Variants in PLSCR2 observed in about 807,000 individuals in gnomAD.
PLSCR2 encodes phospholipid scramblase 2, also known as PL scramblase 2.
In PLSCR2, 18 loss-of-function variants were observed where a neutral mutation model predicts 25.3. The observed-to-expected ratio is 0.71, with a 90% CI of 0.49 to 1.06. The LOEUF (loss-of-function observed/expected upper bound fraction) is 1.06. PLSCR2 is among the 50% of genes least tolerant of loss of function. The pLI, the probability that PLSCR2 is intolerant of heterozygous loss-of-function variation, is 0.00. For synonymous variants in PLSCR2, 88 were observed against 87.3 expected (o/e 1.01, Z -0.04); for missense variants, 243 against 269.5 (o/e 0.90, Z 0.69).
intron 1 of PLSCR2, chr3:146,469,510 C>A (rs562306972): frequency 1.0e-6 from 1 of 985,322 alleles, no homozygotes; most frequent in East Asian, 1.1e-4. Context: ...GCTGCAGCTG[C>A]TCCCGCACAG....
chr3:146,445,766 G>T (rs372072601), intron 6 of PLSCR2, among the ~76,000 whole-genome samples: 1 of 152,060 alleles, frequency 6.6e-6, no homozygotes. Context: ...CTCCTCTTTA[G>T]GACAAATAAC....
intron 2 of PLSCR2, among the ~76,000 whole-genome samples, chr3:146,396,615 G>T (rs938676719): frequency 2.6e-5 from 4 of 152,072 alleles, no homozygotes; most frequent in Non-Finnish European, 5.9e-5. Flanking sequence ...TTAGTGACAA[G>T]AGAAATAGGA....
At chr3:146,391,636 G>T (rs1168312441) in intron 3 of PLSCR2, 1 of 152,444 alleles carries the variant, frequency 6.6e-6, no homozygotes, top group Admixed American at 6.6e-5. Context: ...TTAGACATGA[G>T]AATGATTTTT....
chr3:146,426,268 TCCTTC>T (rs2039347719), intron 2 of PLSCR2, among the ~76,000 whole-genome samples: 1 of 139,400 alleles, frequency 7.2e-6, no homozygotes, highest in Non-Finnish European at 1.5e-5. Context: ...CTTCCTTCCT[TCCTTC>T]TTTTCTTCCT....
chr3:146,407,137 G>A (rs962322353), intron 2 of PLSCR2, among the ~76,000 whole-genome samples: 2 of 152,138 alleles, frequency 1.3e-5, no homozygotes, highest in Admixed American at 1.3e-4. Flanking sequence ...TTTTGTAAGT[G>A]TTTTTTAGGG....
In PLSCR2 at chr3:146,474,470, C is replaced by T. The variant is rs147419567; in HGVS notation, c.-292-14186G>A. On this transcript the variant is annotated intron_variant, in intron 1 of 8. Transcript: ENST00000336685. ...AATGTTGAATATTGGCTCCCACTCT[C>T]TTCTGGCTTGTAGAGTTTCTGCTGA... is the stretch of plus-strand genomic sequence containing the variant. Among the ~76,000 whole-genome samples, 909 of 152,246 alleles carry T rather than the reference C, an allele frequency of 6.0e-3. 9 individuals are homozygous for T. Among genetic ancestry groups the T allele is most frequent in the African/African-American group, 0.021 (862 of 41,544 alleles).
intron 8 of PLSCR2, among the ~76,000 whole-genome samples, chr3:146,434,552 A>G (rs1409717017): frequency 1.3e-5 from 2 of 152,010 alleles, no homozygotes; most frequent in Non-Finnish European, 1.5e-5. Flanking sequence ...TTTTATATAT[A>G]TATGATATAA....
At chr3:146,425,771 A>C (rs1208888838) in intron 2 of PLSCR2, among the ~76,000 whole-genome samples, 6 of 152,190 alleles carry the variant, frequency 3.9e-5, no homozygotes, top group Admixed American at 1.3e-4. Flanking sequence ...TGATGATAGA[A>C]ATATGGAGTT....
intron 2 of PLSCR2, among the ~76,000 whole-genome samples, chr3:146,421,549 T>C (rs1460783068): frequency 6.6e-6 from 1 of 152,082 alleles, no homozygotes; most frequent in Non-Finnish European, 1.5e-5. Context: ...ACATGTGGAA[T>C]GGCTATCTGA....
At chr3:146,482,816 G>A (rs1383243718) in intron 1 of PLSCR2, among the ~76,000 whole-genome samples, 1 of 152,070 alleles carries the variant, frequency 6.6e-6, no homozygotes, top group Non-Finnish European at 1.5e-5. Flanking sequence ...CAAAGACTTG[G>A]AACCAACCCA....
intron 5 of PLSCR2, among the ~76,000 whole-genome samples, chr3:146,451,184 C>T (rs981162179): frequency 1.5e-4 from 23 of 148,740 alleles, no homozygotes; most frequent in African/African-American, 5.5e-4. Flanking sequence ...GCGCGATCTC[C>T]GCTCACTGCA....
chr3:146,418,973 T>A (rs149812142), intron 2 of PLSCR2, among the ~76,000 whole-genome samples: 16 of 152,256 alleles, frequency 1.1e-4, no homozygotes, highest in African/African-American at 3.4e-4. Flanking sequence ...GCCATTCCCT[T>A]TGCCTTCTCT....
At chr3:146,468,583 C>A (rs2041968272) in intron 1 of PLSCR2, among the ~76,000 whole-genome samples, 1 of 152,064 alleles carries the variant, frequency 6.6e-6, no homozygotes, top group Non-Finnish European at 1.5e-5. Context: ...TAGTGCCAGG[C>A]ACTGCTCTAA....
At chr3:146,481,612 C>T (rs1324551501) in intron 1 of PLSCR2, among the ~76,000 whole-genome samples, 1 of 152,188 alleles carries the variant, frequency 6.6e-6, no homozygotes, top group Non-Finnish European at 1.5e-5. Context: ...ATTCCATGCT[C>T]ATGGATAGGA....
intron 3 of PLSCR2, among the ~76,000 whole-genome samples, chr3:146,456,871 G>A (rs999613402): frequency 6.6e-6 from 1 of 151,976 alleles, no homozygotes; most frequent in Non-Finnish European, 1.5e-5. Flanking sequence ...ATTTTTCAAT[G>A]AAGCACATAT....
chr3:146,424,876 A>G (rs2039285445), intron 2 of PLSCR2, among the ~76,000 whole-genome samples: 1 of 152,112 alleles, frequency 6.6e-6, no homozygotes. Context: ...CTAAAGTGCA[A>G]GAGTAGTGAT....
intron 1 of PLSCR2, among the ~76,000 whole-genome samples, chr3:146,481,653 C>A (rs1043578668): frequency 6.6e-6 from 1 of 152,136 alleles, no homozygotes; most frequent in African/African-American, 2.4e-5. Context: ...GGCCATACTG[C>A]CCAAGGTAAT....
intron 6 of PLSCR2, among the ~76,000 whole-genome samples, chr3:146,446,416 T>C (rs1263307281): frequency 6.6e-6 from 1 of 152,188 alleles, no homozygotes; most frequent in African/African-American, 2.4e-5. Context: ...TGGAGACTCA[T>C]AGTGGTAATC....
At chr3:146,434,532 T>G (rs1019996612) in intron 8 of PLSCR2, among the ~76,000 whole-genome samples, 5 of 151,974 alleles carry the variant, frequency 3.3e-5, no homozygotes, top group Non-Finnish European at 1.5e-5. Flanking sequence ...CTCTATGTAC[T>G]TATGTAGACT....
Sources: allele counts gnomAD v4.1 joint callset (sites outside exome capture counted in the v4.1 genomes callset), GRCh38; gene constraint gnomAD v4.1.1; transcripts MANE v1.5; gene names NCBI Gene and HGNC (gene_info 2026-07-23, HGNC 2026-07-21).